TCF4: variants seen among roughly 807,000 people sequenced by gnomAD.
TCF4 encodes the protein SL3-3 enhancer factor 2.
A neutral mutation model predicts 82.1 loss-of-function variants in TCF4; 3 were observed. The ratio of observed to expected loss-of-function variants is 0.04; its 90% CI spans 0.02 to 0.09. TCF4 has a LOEUF of 0.09. Ranked by LOEUF, TCF4 falls within the 10% of genes least tolerant of loss-of-function variation. The pLI is 1.00. For missense variants in TCF4, 518 were observed against 852.7 expected (o/e 0.61, Z 4.89); for synonymous variants, 276 against 309.6 (o/e 0.89, Z 1.14).
chr18:55,599,272 C>A (rs1448541187), intron 2 of TCF4, among the ~76,000 whole-genome samples: 3 of 152,234 alleles, frequency 2.0e-5, no homozygotes, highest in Middle Eastern at 6.3e-3. Flanking sequence ...CAACTTCCCT[C>A]TTGCAGTTTC....
chr18:55,468,672 T>C (rs2096087344), intron 3 of TCF4, among the ~76,000 whole-genome samples: 1 of 152,210 alleles, frequency 6.6e-6, no homozygotes, highest in South Asian at 2.1e-4. Context: ...TGTGTGGTAC[T>C]GTACAATGGT....
intron 5 of TCF4, among the ~76,000 whole-genome samples, chr18:55,424,181 A>T (rs11877936): frequency 0.043 from 6,519 of 152,282 alleles, 216 homozygotes; most frequent in South Asian, 0.17. Context: ...TCATGATTAG[A>T]TGGAAATGTT....
intron 3 of TCF4, among the ~76,000 whole-genome samples, chr18:55,584,116 G>A (rs1487795057): frequency 6.6e-6 from 1 of 151,962 alleles, no homozygotes; most frequent in Non-Finnish European, 1.5e-5. Flanking sequence ...GAAGGAGAAG[G>A]AACTTATTTG....
intron 9 of TCF4, among the ~76,000 whole-genome samples, chr18:55,278,079 T>C (rs546881107): frequency 6.6e-6 from 1 of 151,248 alleles, no homozygotes; most frequent in South Asian, 2.1e-4. Flanking sequence ...AACAGAGCCA[T>C]TCCATCCAAT....
chr18:55,337,268 G>A (rs2078857500), intron 8 of TCF4, among the ~76,000 whole-genome samples: 1 of 152,176 alleles, frequency 6.6e-6, no homozygotes, highest in African/African-American at 2.4e-5. Context: ...TGGGTTGTCA[G>A]AAGTTGGTCA....
At chr18:55,534,701 A>T (rs890532323) in intron 3 of TCF4, among the ~76,000 whole-genome samples, 7 of 152,102 alleles carry the variant, frequency 4.6e-5, no homozygotes, top group Admixed American at 6.6e-5. Flanking sequence ...AATTCAGCTT[A>T]AAAAAAACCC....
At chr18:55,299,687 G>A (rs2067560259) in intron 8 of TCF4, among the ~76,000 whole-genome samples, 1 of 151,958 alleles carries the variant, frequency 6.6e-6, no homozygotes, top group African/African-American at 2.4e-5. Flanking sequence ...ATAGAAAGAT[G>A]TTACTTTGAA....
At chr18:55,415,236 CTATT>C (rs1215231805) in intron 5 of TCF4, among the ~76,000 whole-genome samples, 1 of 152,148 alleles carries the variant, frequency 6.6e-6, no homozygotes, top group Non-Finnish European at 1.5e-5. Flanking sequence ...TCAGGACTAT[CTATT>C]TACCAAAAAC....
intron 6 of TCF4, among the ~76,000 whole-genome samples, chr18:55,396,081 A>G (rs1603443497): frequency 6.6e-6 from 1 of 152,238 alleles, no homozygotes; most frequent in East Asian, 1.9e-4. Flanking sequence ...CAGATCCCCC[A>G]GTGGGCCTGG....
intron 5 of TCF4, chr18:55,404,111 G>A: frequency 3.2e-6 from 3 of 945,876 alleles, no homozygotes; most frequent in Non-Finnish European, 4.0e-6. Flanking sequence ...TGCCTACTCT[G>A]AACCCAAGTT....
chr18:55,398,918 C>A (rs2093645477), intron 6 of TCF4, among the ~76,000 whole-genome samples: 1 of 152,158 alleles, frequency 6.6e-6, no homozygotes, highest in African/African-American at 2.4e-5. Flanking sequence ...TGCTAAGGCC[C>A]TGCAAGGGAG....
chr18:55,404,021 C>G, intron 5 of TCF4: 4 of 1,190,982 alleles, frequency 3.4e-6, no homozygotes, highest in Non-Finnish European at 4.2e-6. Flanking sequence ...TTTTTAAAAA[C>G]TCCCTTTCCC....
chr18:55,320,023 G>C (rs964614280), intron 8 of TCF4, among the ~76,000 whole-genome samples: 1 of 152,050 alleles, frequency 6.6e-6, no homozygotes, highest in Non-Finnish European at 1.5e-5. Flanking sequence ...ATCTGCTTCA[G>C]AGACACTTTT....
chr18:55,634,040 G>A (rs528045063), intron 1 of TCF4, among the ~76,000 whole-genome samples: 84 of 152,260 alleles, frequency 5.5e-4, no homozygotes, highest in Middle Eastern at 6.8e-3. Context: ...AGGCCAAGGC[G>A]GGCGGGTCAC....
intron 3 of TCF4, among the ~76,000 whole-genome samples, chr18:55,521,227 A>C (rs2096930483): frequency 6.6e-6 from 1 of 152,204 alleles, no homozygotes; most frequent in African/African-American, 2.4e-5. Flanking sequence ...GACAAATCGG[A>C]TTCAAGTAGG....
intron 5 of TCF4, among the ~76,000 whole-genome samples, chr18:55,420,517 G>A (rs1320835850): frequency 1.3e-5 from 2 of 152,150 alleles, no homozygotes; most frequent in Non-Finnish European, 2.9e-5. Flanking sequence ...AGTCACATAA[G>A]CCACCAGAGG....
chr18:55,586,446 G>A (rs957749882), intron 2 of TCF4, among the ~76,000 whole-genome samples: 4 of 152,192 alleles, frequency 2.6e-5, no homozygotes, highest in Admixed American at 2.6e-4. Context: ...GTCAAGTTCC[G>A]CTTTGTGCTG....
intron 3 of TCF4, among the ~76,000 whole-genome samples, chr18:55,560,508 C>T (rs944303657): frequency 1.3e-5 from 2 of 152,118 alleles, no homozygotes; most frequent in Non-Finnish European, 2.9e-5. Flanking sequence ...TCCGAAGCCA[C>T]GTGACTTCTC....
At chr18:55,422,551 GGAA>G (rs2094812507) in intron 5 of TCF4, 3 of 764,184 alleles carry the variant, frequency 3.9e-6, no homozygotes, top group South Asian at 1.2e-4. Context: ...TTCCTATGAT[GGAA>G]ATTTAGGGGG....
Sources: gnomAD v4.1 joint callset for allele counts (sites outside exome capture counted in the v4.1 genomes callset) on GRCh38, gnomAD v4.1.1 for gene constraint, MANE v1.5 for transcripts, NCBI Gene and HGNC (gene_info 2026-07-23, HGNC 2026-07-21) for gene names.